The following GDAP2 variants were observed in gnomAD, a reference collection of about 807,000 sequenced individuals.
GDAP2 encodes ganglioside-induced differentiation-associated protein 2.
GDAP2 carries 51 observed loss-of-function variants against 67.0 expected under a neutral mutation model. The ratio of observed to expected loss-of-function variants is 0.76; its 90% CI spans 0.61 to 0.96. The LOEUF (loss-of-function observed/expected upper bound fraction) is 0.96. Ranked by LOEUF, GDAP2 falls within the 40% of genes least tolerant of loss-of-function variation. The pLI, the probability that GDAP2 is intolerant of heterozygous loss-of-function variation, is 0.00. For missense variants in GDAP2, 547 were observed against 588.3 expected (o/e 0.93, Z 0.73); for synonymous variants, 203 against 207.3 (o/e 0.98, Z 0.18).
intron 1 of GDAP2, among the ~76,000 whole-genome samples, chr1:117,921,248 A>T (rs1044924825): frequency 3.5e-4 from 53 of 152,098 alleles, no homozygotes; most frequent in Non-Finnish European, 5.9e-4. Context: ...CTAAAAAAAA[A>T]ATATTTGCAA....
chr1:117,926,310 T>C (rs1043032171), intron 1 of GDAP2, among the ~76,000 whole-genome samples: 3 of 152,210 alleles, frequency 2.0e-5, no homozygotes, highest in African/African-American at 7.2e-5. Context: ...TCCTCAAAAC[T>C]CTATTATCTT....
At chr1:117,875,387 A>C (rs1396741022) in intron 13 of GDAP2, among the ~76,000 whole-genome samples, 1 of 152,226 alleles carries the variant, frequency 6.6e-6, no homozygotes, top group Non-Finnish European at 1.5e-5. Context: ...TTAAGTCTGC[A>C]GGCATGCAGC....
At chr1:117,920,828 CTGAG>C (rs1374793860) in intron 1 of GDAP2, among the ~76,000 whole-genome samples, 1 of 151,530 alleles carries the variant, frequency 6.6e-6, no homozygotes, top group Non-Finnish European at 1.5e-5. Flanking sequence ...GGAGGATGTA[CTGAG>C]TAAGACAAAA....
chr1:117,879,762 C>A (rs1557795095), intron 12 of GDAP2, among the ~76,000 whole-genome samples: 1 of 152,032 alleles, frequency 6.6e-6, no homozygotes, highest in Non-Finnish European at 1.5e-5. Context: ...GGCTTTATTG[C>A]CTCCCCAGAT....
At chr1:117,906,291 G>A (rs1254068124) in intron 6 of GDAP2, among the ~76,000 whole-genome samples, 1 of 152,162 alleles carries the variant, frequency 6.6e-6, no homozygotes, top group Non-Finnish European at 1.5e-5. Context: ...AGCAACAACA[G>A]TTATAAAAAA....
rs1267997094 is a variant in GDAP2, at chr1:117,867,085, G to T, written c.*3484C>A. On this transcript the variant is annotated 3_prime_UTR_variant, in exon 14 of 14. Transcript: ENST00000369443. ...ACATACATACTGTCAATGTATCGGG[G>T]AAATACAAAGAGTGATCTTTAGTTT... 2.6e-5 allele frequency: 4 copies of T among 151,962 alleles called. No homozygotes were observed. Among genetic ancestry groups the T allele is most frequent in the Non-Finnish European group, 5.9e-5 (4 of 67,978 alleles). 9.4% of individuals were successfully genotyped at this position (151,962 alleles called of 1,614,324 possible).
At chr1:117,891,893 T>A (rs961022556) in intron 8 of GDAP2, among the ~76,000 whole-genome samples, 7 of 152,156 alleles carry the variant, frequency 4.6e-5, no homozygotes, top group Non-Finnish European at 1.0e-4. Flanking sequence ...AGTTGATTTG[T>A]CCATAGTGTG....
intron 7 of GDAP2, 119 bp downstream of exon 7, chr1:117,898,938 G>T: frequency 1.4e-6 from 1 of 715,518 alleles, no homozygotes; most frequent in Non-Finnish European, 2.4e-6. Context: ...GGTCTTGATA[G>T]TAGTCATGGT....
At chr1:117,920,454 TAGAGA>T in intron 1 of GDAP2, 30 bp from the exon 2 acceptor site, 1 of 736,878 alleles carries the variant, frequency 1.4e-6, no homozygotes, top group Non-Finnish European at 2.2e-6. Flanking sequence ...ATCACTTTAA[TAGAGA>T]AGCACAGATA....
At chr1:117,924,365 T>C (rs769069926) in intron 1 of GDAP2, among the ~76,000 whole-genome samples, 1 of 152,208 alleles carries the variant, frequency 6.6e-6, no homozygotes, top group South Asian at 2.1e-4. Flanking sequence ...CTCCCACTTA[T>C]AAGTGAGACC....
chr1:117,925,493 T>A (rs1315984691), intron 1 of GDAP2, among the ~76,000 whole-genome samples: 2 of 152,038 alleles, frequency 1.3e-5, no homozygotes, highest in African/African-American at 4.8e-5. Flanking sequence ...AAACCAAAAT[T>A]AAGGGGGAGG....
At chr1:117,873,822 T>G (rs558769940) in intron 13 of GDAP2, among the ~76,000 whole-genome samples, 1 of 152,172 alleles carries the variant, frequency 6.6e-6, no homozygotes, top group Non-Finnish European at 1.5e-5. Flanking sequence ...GAATTTTATT[T>G]CCTAAAATGT....
chr1:117,898,632 C>G (rs1649341876), intron 7 of GDAP2, among the ~76,000 whole-genome samples: 1 of 152,162 alleles, frequency 6.6e-6, no homozygotes, highest in Admixed American at 6.5e-5. Flanking sequence ...ACCTACTGCT[C>G]CAACCTACAA....
intron 6 of GDAP2, among the ~76,000 whole-genome samples, chr1:117,901,875 T>C (rs1282167651): frequency 1.3e-5 from 2 of 152,172 alleles, no homozygotes; most frequent in Non-Finnish European, 2.9e-5. Flanking sequence ...CATGCAAATA[T>C]TTCTCCTGGT....
At position 117,868,930 on chromosome 1, in the gene GDAP2, A is replaced by G. The variant is rs1648164958; in HGVS notation, c.*1639T>C. On this transcript the variant is annotated 3_prime_UTR_variant, in exon 14 of 14. Coordinates refer to ENST00000369443, the MANE Select transcript of GDAP2 (RefSeq NM_017686.4). ...ATGCAAAAGATAAGAACCTTTATCT[A>G]AAAAATGTAAAGTCTCTTCTTGTTT... 1 of 152,182 alleles carries G rather than the reference A, an allele frequency of 6.6e-6. No homozygotes were observed. The highest frequency in any genetic ancestry group is 1.5e-5 in the Non-Finnish European group (1 of 68,034). 9.4% of individuals were successfully genotyped at this position (152,182 alleles called of 1,614,324 possible).
chr1:117,865,988 T>C lies in GDAP2; in HGVS notation c.*4581A>G, dbSNP rs141344381. 1.3e-5 allele frequency: 2 copies of C among 152,352 alleles called. No individual in the cohort carries two copies. The highest frequency in any genetic ancestry group is 1.9e-4 in the East Asian group (1 of 5,194). The allele number at this position is 152,352 out of a possible 1,614,324, so 9.4% of individuals were successfully genotyped here. A position where few individuals can be genotyped will look rare whatever the true frequency, so the allele number is the denominator to read the frequency against. On this transcript the variant is annotated 3_prime_UTR_variant, in exon 14 of 14. Coordinates refer to ENST00000369443, the MANE Select transcript of GDAP2 (RefSeq NM_017686.4). ...GGCAGATTATGCATATATGTGTGTG[T>C]GCATGCATGTATATGTATATATGGT...
At chr1:117,875,687 T>C (rs1648432433) in intron 13 of GDAP2, among the ~76,000 whole-genome samples, 1 of 152,194 alleles carries the variant, frequency 6.6e-6, no homozygotes, top group Admixed American at 6.5e-5. Context: ...GCCCACCCCT[T>C]GTACCAGTGT....
At chr1:117,872,763 G>A (rs1198828558) in intron 13 of GDAP2, among the ~76,000 whole-genome samples, 1 of 152,002 alleles carries the variant, frequency 6.6e-6, no homozygotes, top group African/African-American at 2.4e-5. Context: ...GGGTCGATAG[G>A]TACAGCAAAC....
chr1:117,873,106 G>C (rs564002769), intron 13 of GDAP2, among the ~76,000 whole-genome samples: 2 of 152,222 alleles, frequency 1.3e-5, no homozygotes, highest in South Asian at 4.1e-4. Flanking sequence ...CCATGAAATA[G>C]AATTTCCATT....
Sources: allele counts gnomAD v4.1 joint callset (sites outside exome capture counted in the v4.1 genomes callset), GRCh38; gene constraint gnomAD v4.1.1; transcripts MANE v1.5; gene names NCBI Gene and HGNC (gene_info 2026-07-23, HGNC 2026-07-21).